Variants in TBC1D5 observed in about 807,000 individuals in gnomAD.
The protein encoded by TBC1D5 is TBC1 domain family, member 5.
A neutral mutation model predicts 100.3 loss-of-function variants in TBC1D5; 75 were observed. That is an observed-to-expected ratio of 0.75 (90% CI 0.62 to 0.91). The LOEUF is 0.91. Among genes scored for constraint, TBC1D5 ranks in the 40% least tolerant of loss-of-function variants. TBC1D5 has a pLI of 0.00. For synonymous variants in TBC1D5, 323 were observed against 325.6 expected (o/e 0.99, Z 0.09); for missense variants, 910 against 942.4 (o/e 0.97, Z 0.45).
chr3:17,704,473 G>A (rs1165453202), intron 1 of TBC1D5, among the ~76,000 whole-genome samples: 80 of 141,956 alleles, frequency 5.6e-4, no homozygotes, highest in African/African-American at 8.2e-4. Flanking sequence ...GGGCAGAGGG[G>A]CTCCTCACTT....
At chr3:17,512,411 T>C (rs554326646) in intron 2 of TBC1D5, among the ~76,000 whole-genome samples, 1 of 152,132 alleles carries the variant, frequency 6.6e-6, no homozygotes, top group East Asian at 1.9e-4. Flanking sequence ...AAACTCCAAC[T>C]TCTATCCTTG....
chr3:17,629,693 T>C (rs2063337867), intron 1 of TBC1D5, among the ~76,000 whole-genome samples: 1 of 152,162 alleles, frequency 6.6e-6, no homozygotes, highest in Non-Finnish European at 1.5e-5. Flanking sequence ...GGCACCTTTA[T>C]ACATAAATAA....
intron 16 of TBC1D5, among the ~76,000 whole-genome samples, chr3:17,255,872 T>C (rs1202986345): frequency 6.6e-6 from 1 of 152,048 alleles, no homozygotes; most frequent in African/African-American, 2.4e-5. Context: ...CCCCGTCTAC[T>C]AAAAATACAA....
At chr3:17,341,475 C>T (rs1381725194) in intron 13 of TBC1D5, among the ~76,000 whole-genome samples, 3 of 152,128 alleles carry the variant, frequency 2.0e-5, no homozygotes, top group Non-Finnish European at 4.4e-5. Context: ...GGATTACAGG[C>T]GTGAGGTACC....
At chr3:17,529,416 AT>A (rs752715845) in intron 2 of TBC1D5, among the ~76,000 whole-genome samples, 3 of 152,008 alleles carry the variant, frequency 2.0e-5, no homozygotes, top group African/African-American at 7.3e-5. Context: ...CCACCACTAG[AT>A]TAGTTCTCTT....
intron 13 of TBC1D5, 35 bp from the exon 14 acceptor site, chr3:17,308,169 T>C (rs1355648567): frequency 1.9e-6 from 3 of 1,549,354 alleles, no homozygotes; most frequent in Non-Finnish European, 2.6e-6. Context: ...CAGAAGACAG[T>C]ACTTTTGAGA....
chr3:17,185,233 G>A (rs2125512555), intron 18 of TBC1D5, 25 bp from the exon 20 acceptor site: 7 of 1,593,832 alleles, frequency 4.4e-6, no homozygotes, highest in Non-Finnish European at 6.0e-6. Context: ...TAAACATATG[G>A]AAATTTTTTA....
intron 2 of TBC1D5, among the ~76,000 whole-genome samples, chr3:17,548,610 G>T (rs1443122935): frequency 2.6e-5 from 4 of 152,134 alleles, no homozygotes; most frequent in African/African-American, 7.2e-5. Context: ...TGTAGCTACT[G>T]TTGAGGGGAG....
intron 13 of TBC1D5, among the ~76,000 whole-genome samples, chr3:17,337,133 T>G (rs1056124301): frequency 1.2e-4 from 18 of 150,586 alleles, no homozygotes; most frequent in Non-Finnish European, 2.2e-4. Context: ...GTTTTTTTTT[T>G]TTTTTTTTTT....
intron 17 of TBC1D5, among the ~76,000 whole-genome samples, chr3:17,224,186 G>A (rs2074594756): frequency 1.3e-5 from 2 of 152,112 alleles, no homozygotes; most frequent in Admixed American, 1.3e-4. Flanking sequence ...ATTTCACTAA[G>A]GGCAGGAAGT....
intron 18 of TBC1D5, among the ~76,000 whole-genome samples, chr3:17,187,392 C>A (rs2069268541): frequency 6.6e-6 from 1 of 152,104 alleles, no homozygotes; most frequent in Non-Finnish European, 1.5e-5. Context: ...AAGGAGAGAA[C>A]ACATAGAGAA....
At chr3:17,184,957 G>A (rs2068846562) in intron 19 of TBC1D5, 152 bp downstream of exon 20, 4 of 508,302 alleles carry the variant, frequency 7.9e-6, no homozygotes, top group Non-Finnish European at 1.4e-5. Context: ...TGTAGAGAGT[G>A]AGAGTAAGAG....
intron 1 of TBC1D5, among the ~76,000 whole-genome samples, chr3:17,628,052 A>G (rs1365794509): frequency 6.6e-6 from 1 of 152,120 alleles, no homozygotes; most frequent in East Asian, 1.9e-4. Flanking sequence ...AAAATCTAAC[A>G]AGTATTGTAC....
chr3:17,623,962 TA>T (rs1434748105), intron 1 of TBC1D5, 49 bp from the exon 2 acceptor site: 1 of 152,188 alleles, frequency 6.6e-6, no homozygotes, highest in Non-Finnish European at 1.5e-5. Context: ...AAATAGTTTT[TA>T]AATACAAAGT....
chr3:17,718,366 C>T (rs374677066), intron 1 of TBC1D5, among the ~76,000 whole-genome samples: 14 of 152,142 alleles, frequency 9.2e-5, no homozygotes, highest in South Asian at 4.2e-4. Context: ...GAGTCCAAGG[C>T]GGGGGCAGAT....
intron 2 of TBC1D5, among the ~76,000 whole-genome samples, chr3:17,559,604 T>TG (rs2096544433): frequency 6.6e-6 from 1 of 151,912 alleles, no homozygotes; most frequent in African/African-American, 2.4e-5. Context: ...ATTTTTTTTT[T>TG]TTTGAGGTGG....
intron 17 of TBC1D5, among the ~76,000 whole-genome samples, chr3:17,223,203 T>C (rs1202204514): frequency 2.0e-5 from 3 of 152,316 alleles, no homozygotes; most frequent in Non-Finnish European, 4.4e-5. Flanking sequence ...ATTGCTTTCA[T>C]GTTGAAATTA....
chr3:17,454,482 T>C (rs941970186), intron 3 of TBC1D5, among the ~76,000 whole-genome samples: 2 of 152,124 alleles, frequency 1.3e-5, no homozygotes, highest in African/African-American at 4.8e-5. Flanking sequence ...TTTTCTGAGA[T>C]GGAGTCTCGC....
chr3:17,623,104 C>T (rs1416654698), intron 2 of TBC1D5, among the ~76,000 whole-genome samples: 1 of 152,144 alleles, frequency 6.6e-6, no homozygotes, highest in Non-Finnish European at 1.5e-5. Context: ...ACAATTAAAA[C>T]ACACATACAC....
Sources: gnomAD v4.1 joint callset for allele counts (sites outside exome capture counted in the v4.1 genomes callset) on GRCh38, gnomAD v4.1.1 for gene constraint, MANE v1.5 for transcripts, NCBI Gene and HGNC (gene_info 2026-07-23, HGNC 2026-07-21) for gene names.